Variants in SGCZ observed in about 807,000 individuals in gnomAD.
SGCZ encodes zeta-sarcoglycan.
A neutral mutation model predicts 41.3 loss-of-function variants in SGCZ; 40 were observed. That is an observed-to-expected ratio of 0.97 (90% CI 0.75 to 1.26). The LOEUF is 1.26. Among genes scored for constraint, SGCZ ranks in the 50% most tolerant of loss-of-function variants. SGCZ has a pLI of 0.00. For synonymous variants in SGCZ, 206 were observed against 137.5 expected, an observed-to-expected ratio of 1.50 and a Z score of -3.49; for missense variants, 552 against 369.8, an observed-to-expected ratio of 1.49 and a Z score of -4.04.
chr8:15,035,711 T>C (rs907069557), intron 1 of SGCZ, among the ~76,000 whole-genome samples: 3 of 151,906 alleles, frequency 2.0e-5, no homozygotes, highest in African/African-American at 7.3e-5. Context: ...AAAATAAAAT[T>C]GAAGTCAAAA....
chr8:14,612,665 T>C (rs967014557), intron 1 of SGCZ, among the ~76,000 whole-genome samples: 42 of 151,756 alleles, frequency 2.8e-4, no homozygotes, highest in Non-Finnish European at 1.0e-4. Context: ...GGAGTTGTGT[T>C]TTTTTGTTTT....
At chr8:14,131,233 C>T (rs1803031001) in intron 5 of SGCZ, among the ~76,000 whole-genome samples, 1 of 152,110 alleles carries the variant, frequency 6.6e-6, no homozygotes, top group Non-Finnish European at 1.5e-5. Context: ...GTACAGAAAT[C>T]CAGGGTGGCA....
At chr8:14,939,753 C>A (rs1365965659) in intron 1 of SGCZ, among the ~76,000 whole-genome samples, 3 of 152,054 alleles carry the variant, frequency 2.0e-5, no homozygotes, top group African/African-American at 7.2e-5. Flanking sequence ...AAGACCGGCG[C>A]AAACAGTGTT....
intron 1 of SGCZ, among the ~76,000 whole-genome samples, chr8:15,078,290 A>G (rs7813027): frequency 0.045 from 6,836 of 151,044 alleles, 504 homozygotes; most frequent in African/African-American, 0.15. Flanking sequence ...TCCTGCATCA[A>G]TATTCCCCTG....
chr8:14,161,329 A>C (rs564992453), intron 5 of SGCZ: 7 of 152,314 alleles, frequency 4.6e-5, no homozygotes, highest in Non-Finnish European at 8.8e-5. Context: ...AAGCTGTTAT[A>C]AAGTTAATAT....
At chr8:14,569,060 C>T (rs572253911) in intron 1 of SGCZ, among the ~76,000 whole-genome samples, 236 of 152,148 alleles carry the variant, frequency 1.6e-3, no homozygotes, top group African/African-American at 5.5e-3. Context: ...AGGAAGCTTT[C>T]GAGTCAATAT....
chr8:14,833,931 A>T (rs1802612287), intron 1 of SGCZ, among the ~76,000 whole-genome samples: 1 of 152,212 alleles, frequency 6.6e-6, no homozygotes, highest in African/African-American at 2.4e-5. Context: ...GGTGAGGAAA[A>T]TATGTTTTTA....
chr8:14,638,037 T>C (rs1359594754), intron 1 of SGCZ, among the ~76,000 whole-genome samples: 1 of 151,874 alleles, frequency 6.6e-6, no homozygotes, highest in East Asian at 1.9e-4. Flanking sequence ...TATTTCATTG[T>C]AGTTTGATTT....
intron 5 of SGCZ, among the ~76,000 whole-genome samples, chr8:14,114,098 T>G (rs1325842729): frequency 3.3e-5 from 5 of 152,060 alleles, no homozygotes; most frequent in African/African-American, 9.7e-5. Context: ...ATCCAGTAAC[T>G]TACGACTTTC....
At chr8:14,696,387 A>G (rs1235121420) in intron 1 of SGCZ, among the ~76,000 whole-genome samples, 1 of 152,092 alleles carries the variant, frequency 6.6e-6, no homozygotes, top group Non-Finnish European at 1.5e-5. Context: ...TGGCAGAGCG[A>G]AAGCCCACTG....
At chr8:14,125,856 A>G (rs1337978996) in intron 5 of SGCZ, among the ~76,000 whole-genome samples, 2 of 152,190 alleles carry the variant, frequency 1.3e-5, no homozygotes, top group Non-Finnish European at 2.9e-5. Flanking sequence ...CAAACCTGAC[A>G]AAAACAAGCA....
chr8:14,460,538 G>C (rs776843572), intron 2 of SGCZ, among the ~76,000 whole-genome samples: 80 of 152,094 alleles, frequency 5.3e-4, no homozygotes, highest in Admixed American at 9.2e-4. Context: ...CAGTGGGAGA[G>C]GGTCAGGCAT....
At chr8:15,027,984 G>A (rs1377805248) in intron 1 of SGCZ, among the ~76,000 whole-genome samples, 1 of 151,942 alleles carries the variant, frequency 6.6e-6, no homozygotes, top group Non-Finnish European at 1.5e-5. Context: ...CAAAAGCACA[G>A]ATAATATCTT....
At chr8:14,700,925 TAGTA>T (rs999764293) in intron 1 of SGCZ, among the ~76,000 whole-genome samples, 10 of 151,882 alleles carry the variant, frequency 6.6e-5, no homozygotes, top group African/African-American at 2.4e-4. Flanking sequence ...GGGGGAAGGT[TAGTA>T]GGTAGGTGAA....
chr8:14,436,557 C>T (rs1306252143), intron 2 of SGCZ, among the ~76,000 whole-genome samples: 1 of 152,088 alleles, frequency 6.6e-6, no homozygotes, highest in African/African-American at 2.4e-5. Context: ...TTGTCATTTG[C>T]ACGGATGGTG....
At chr8:14,354,147 G>A (rs1043251155) in intron 2 of SGCZ, among the ~76,000 whole-genome samples, 2 of 151,916 alleles carry the variant, frequency 1.3e-5, no homozygotes, top group African/African-American at 4.8e-5. Context: ...TGTATATATT[G>A]TAATTGCCTT....
chr8:14,914,219 A>T (rs1366278140), intron 1 of SGCZ, among the ~76,000 whole-genome samples: 1 of 146,226 alleles, frequency 6.8e-6, no homozygotes, highest in East Asian at 2.0e-4. Flanking sequence ...TATATATATA[A>T]ATATGTATGC....
chr8:15,102,780 C>A (rs139258447), intron 1 of SGCZ, among the ~76,000 whole-genome samples: 1 of 152,090 alleles, frequency 6.6e-6, no homozygotes, highest in Non-Finnish European at 1.5e-5. Context: ...TTAAAGTGAA[C>A]ATTATTTATA....
chr8:14,920,774 T>A (rs928334717), intron 1 of SGCZ, among the ~76,000 whole-genome samples: 1 of 152,214 alleles, frequency 6.6e-6, no homozygotes, highest in East Asian at 1.9e-4. Flanking sequence ...TTATACCTAA[T>A]TGTATTTGTT....
Sources: gnomAD v4.1 joint callset for allele counts (sites outside exome capture counted in the v4.1 genomes callset) on GRCh38, gnomAD v4.1.1 for gene constraint, MANE v1.5 for transcripts, NCBI Gene and HGNC (gene_info 2026-07-23, HGNC 2026-07-21) for gene names.